The following DOCK1 variants were observed in gnomAD, a reference collection of about 807,000 sequenced individuals.
The protein encoded by DOCK1 is dedicator of cytokinesis protein 1.
In DOCK1, 138 loss-of-function variants were observed where a neutral mutation model predicts 262.7. The ratio of observed to expected loss-of-function variants is 0.53; its 90% CI spans 0.46 to 0.61. The LOEUF (loss-of-function observed/expected upper bound fraction) is 0.61. Ranked by LOEUF, DOCK1 falls within the 20% of genes least tolerant of loss-of-function variation. DOCK1 has a pLI of 0.00. For synonymous variants in DOCK1, 866 were observed against 867.4 expected (o/e 1.00, Z 0.03); for missense variants, 1,908 against 2,370.7 (o/e 0.80, Z 4.05).
At chr10:126,910,796 C>CTA (rs2031655031) in intron 1 of DOCK1, among the ~76,000 whole-genome samples, 1 of 152,150 alleles carries the variant, frequency 6.6e-6, no homozygotes, top group South Asian at 2.1e-4. Flanking sequence ...ATAATATTGT[C>CTA]CTTTAAAGAG....
intron 37 of DOCK1, among the ~76,000 whole-genome samples, chr10:127,383,164 T>A (rs996001300): frequency 3.3e-4 from 50 of 152,380 alleles, no homozygotes; most frequent in African/African-American, 1.2e-3. Context: ...AATCTTCTTT[T>A]TTGGTTAGGC....
chr10:126,996,783 A>T lies in DOCK1; in HGVS notation c.509A>T (p.Asp170Val), dbSNP rs2040228691. The T allele has an allele frequency of 6.2e-7, 1 of 1,612,430 alleles. No individual in the cohort carries two copies. The highest frequency in any genetic ancestry group is 1.1e-5 in the South Asian group (1 of 90,808). ...LDLDLVVRDE[D>V]GNILDPELTS... ...TTGGACCTGGTGGTTAGAGATGAAG[A>T]TGGGAATATTTTGGATCCAGAATTA... Residue 170 changes from aspartate (D) to valine (V), a missense_variant, in exon 7 of 52, where the codon GAT (aspartate) becomes GTT (valine). Asp to Val is a radical substitution (Grantham distance 152). Coordinates refer to ENST00000623213, the MANE Select transcript of DOCK1 (RefSeq NM_001290223.2).
chr10:127,212,908 C>T (rs1251085467), intron 27 of DOCK1, among the ~76,000 whole-genome samples: 1 of 150,616 alleles, frequency 6.6e-6, no homozygotes, highest in East Asian at 2.0e-4. Context: ...AAAATGTTTT[C>T]ATTTAAACAA....
At chr10:126,918,311 G>A (rs2032750350) in intron 1 of DOCK1, among the ~76,000 whole-genome samples, 1 of 152,226 alleles carries the variant, frequency 6.6e-6, no homozygotes, top group East Asian at 1.9e-4. Context: ...CGTGCAGCGG[G>A]GGCTCTGCTG....
intron 1 of DOCK1, among the ~76,000 whole-genome samples, chr10:126,933,628 T>G (rs1010909998): frequency 9.2e-5 from 14 of 152,090 alleles, no homozygotes; most frequent in Non-Finnish European, 2.1e-4. Flanking sequence ...GCCCCCCGGA[T>G]GAGCAGGAGG....
intron 1 of DOCK1, among the ~76,000 whole-genome samples, chr10:126,947,057 G>A (rs1157661297): frequency 1.3e-5 from 2 of 152,238 alleles, no homozygotes; most frequent in Non-Finnish European, 2.9e-5. Flanking sequence ...TGGAGGCTTG[G>A]CAGCAGCATG....
intron 1 of DOCK1, among the ~76,000 whole-genome samples, chr10:126,934,984 C>T (rs2034470243): frequency 6.6e-6 from 1 of 152,108 alleles, no homozygotes; most frequent in African/African-American, 2.4e-5. Context: ...GTGGCAGGCG[C>T]CTGTAGTCCC....
chr10:127,311,630 A>T (rs752868235), intron 29 of DOCK1, among the ~76,000 whole-genome samples: 8 of 152,184 alleles, frequency 5.3e-5, no homozygotes, highest in Non-Finnish European at 1.0e-4. Context: ...CAGATCAGGG[A>T]TACTCAGCCT....
At chr10:127,038,780 T>C (rs2043826655) in intron 19 of DOCK1, among the ~76,000 whole-genome samples, 1 of 152,200 alleles carries the variant, frequency 6.6e-6, no homozygotes, top group African/African-American at 2.4e-5. Context: ...AATTCTTTAC[T>C]CTGTAATTGT....
intron 49 of DOCK1, among the ~76,000 whole-genome samples, chr10:127,442,363 A>G (rs1463911560): frequency 6.6e-6 from 1 of 152,166 alleles, no homozygotes; most frequent in Non-Finnish European, 1.5e-5. Context: ...CCCCAAGCCC[A>G]GAGCTGCCCA....
At chr10:127,314,581 G>A (rs1386692860) in intron 29 of DOCK1, among the ~76,000 whole-genome samples, 1 of 151,228 alleles carries the variant, frequency 6.6e-6, no homozygotes, top group African/African-American at 2.5e-5. Flanking sequence ...AAACCTCATA[G>A]ATCCTGTTTT....
intron 1 of DOCK1, among the ~76,000 whole-genome samples, chr10:126,956,138 T>A (rs1483843632): frequency 6.6e-6 from 1 of 152,212 alleles, no homozygotes; most frequent in Non-Finnish European, 1.5e-5. Flanking sequence ...AGGCTGCCAC[T>A]GTGCAGTTGC....
At chr10:127,406,791 A>AT (rs2067540941) in intron 40 of DOCK1, among the ~76,000 whole-genome samples, 1 of 152,200 alleles carries the variant, frequency 6.6e-6, no homozygotes. Flanking sequence ...AGAAAATGTT[A>AT]TTCGTGTTTT....
intron 28 of DOCK1, among the ~76,000 whole-genome samples, chr10:127,250,921 G>C (rs1473793684): frequency 6.7e-6 from 1 of 150,186 alleles, no homozygotes; most frequent in Non-Finnish European, 1.5e-5. Flanking sequence ...ATGTGTTTCT[G>C]TTTGTTAACT....
intron 38 of DOCK1, among the ~76,000 whole-genome samples, chr10:127,391,209 A>G (rs1325202370): frequency 6.6e-6 from 1 of 152,232 alleles, no homozygotes; most frequent in East Asian, 1.9e-4. Context: ...CACAAGCACC[A>G]AGATATGATG....
chr10:126,987,462 C>G, intron 4 of DOCK1, 59 bp from the exon 5 acceptor site: 1 of 1,393,380 alleles, frequency 7.2e-7, no homozygotes. Flanking sequence ...TTACCAGGTA[C>G]TACTCATAGC....
At chr10:127,068,283 C>G (rs1015642811) in intron 23 of DOCK1, among the ~76,000 whole-genome samples, 44 of 152,170 alleles carry the variant, frequency 2.9e-4, no homozygotes, top group African/African-American at 1.1e-3. Flanking sequence ...ATCCACACGG[C>G]TACTCACAGA....
intron 1 of DOCK1, among the ~76,000 whole-genome samples, chr10:126,947,519 GTGGT>G: frequency 2.1e-5 from 3 of 143,936 alleles, no homozygotes; most frequent in Admixed American, 1.4e-4. Context: ...GGTGGTGGTG[GTGGT>G]TGGTAGTATT....
chr10:127,136,734 T>C (rs2050733470), intron 27 of DOCK1: 1 of 152,684 alleles, frequency 6.5e-6, no homozygotes, highest in South Asian at 2.1e-4. Flanking sequence ...CTAAGTATGT[T>C]GTTTAGTACA....
Sources: allele counts gnomAD v4.1 joint callset (sites outside exome capture counted in the v4.1 genomes callset), GRCh38; gene constraint gnomAD v4.1.1; transcripts MANE v1.5; gene names NCBI Gene and HGNC (gene_info 2026-07-23, HGNC 2026-07-21).